Variants in SOS2 observed in about 807,000 individuals in gnomAD.
The protein encoded by SOS2 is SOS Ras/Rho guanine nucleotide exchange factor 2.
In SOS2, 65 loss-of-function variants were observed where a neutral mutation model predicts 148.2. That is an observed-to-expected ratio of 0.44 (90% CI 0.36 to 0.54). The LOEUF (loss-of-function observed/expected upper bound fraction) is 0.54, where lower values mean the gene tolerates loss of function less well. Ranked by LOEUF, SOS2 falls within the 20% of genes least tolerant of loss-of-function variation. SOS2 has a pLI of 0.00. For missense variants in SOS2, 1,341 were observed against 1,590.2 expected (o/e 0.84, Z 2.67); for synonymous variants, 539 against 537.1 (o/e 1.00, Z -0.05).
At chr14:50,138,378 C>A (rs1381053390) in intron 18 of SOS2, among the ~76,000 whole-genome samples, 1 of 151,974 alleles carries the variant, frequency 6.6e-6, no homozygotes, top group Non-Finnish European at 1.5e-5. Flanking sequence ...CCAGGCTGGT[C>A]TCCAACTCCT....
At chr14:50,153,545 T>A (rs1011730264) in intron 12 of SOS2, among the ~76,000 whole-genome samples, 1 of 152,218 alleles carries the variant, frequency 6.6e-6, no homozygotes, top group Non-Finnish European at 1.5e-5. Flanking sequence ...TTTGGTACTT[T>A]TTCACTTAAA....
intron 1 of SOS2, among the ~76,000 whole-genome samples, chr14:50,212,998 A>C (rs764191911): frequency 1.1e-4 from 16 of 152,260 alleles, no homozygotes; most frequent in Non-Finnish European, 1.8e-4. Flanking sequence ...TCTCTCACGT[A>C]GTCTTTCTCA....
At chr14:50,205,533 T>C (rs1016628860) in intron 1 of SOS2, among the ~76,000 whole-genome samples, 8 of 152,280 alleles carry the variant, frequency 5.3e-5, no homozygotes, top group African/African-American at 1.9e-4. Context: ...CTTCCTAACA[T>C]CACATCACGT....
chr14:50,160,229 C>T lies in SOS2; in HGVS notation c.1197-143G>A, dbSNP rs112263861. ...ACAGCATTTAGTTCTAACTTTGCCACTAAATAATACAGCCCTCAATTTCAT... is the reference window on the plus strand; with the variant it reads ...ACAGCATTTAGTTCTAACTTTGCCATTAAATAATACAGCCCTCAATTTCAT... On this transcript the variant is annotated intron_variant, in intron 9 of 22. Coordinates refer to ENST00000216373, the MANE Select transcript of SOS2 (RefSeq NM_006939.4). The T allele has an allele frequency of 3.8e-4, 241 of 626,352 alleles. 1 individual carries two copies. In the Middle Eastern group the frequency reaches 3.9e-3, roughly 10 times the overall value. The allele number at this position is 626,352 out of a possible 1,614,324, so 38.8% of individuals were successfully genotyped here. A position where few individuals can be genotyped will look rare whatever the true frequency, so the allele number is the denominator to read the frequency against.
rs202063664 is a variant in SOS2, at chr14:50,165,819, TTTAA to T, written c.1069-4214_1069-4211del. Reference sequence around the variant, plus strand: ...GCACGCTCTTTTATGCATTAGCTTATTTAATTTTTATTACAACTCTGTAACACGA... The same window carrying T: ...GCACGCTCTTTTATGCATTAGCTTATTTTTTATTACAACTCTGTAACACGA... On this transcript the variant is annotated intron_variant, in intron 8 of 22. Coordinates refer to ENST00000216373, the MANE Select transcript of SOS2 (RefSeq NM_006939.4). 1.8e-3 allele frequency among the ~76,000 whole-genome samples: 275 copies of T among 150,658 alleles called. 1 individual carries two copies. Among genetic ancestry groups the T allele is most frequent in the African/African-American group, 6.6e-3 (264 of 39,954 alleles).
chr14:50,130,833 A>G, intron 19 of SOS2, 71 bp from the exon 20 acceptor site: 3 of 1,337,040 alleles, frequency 2.2e-6, no homozygotes, highest in Non-Finnish European at 3.1e-6. Context: ...ACTTAGAGCT[A>G]CCTTATTAGT....
At chr14:50,231,824 T>G (rs1024060314), upstream of SOS2, among the ~76,000 whole-genome samples, 3 of 152,096 alleles carry the variant, frequency 2.0e-5, no homozygotes, top group Non-Finnish European at 2.9e-5. Flanking sequence ...CGAGCGAGCC[T>G]CGCTATGGCG....
rs1389227421 is a variant in SOS2 at position 50,227,824 on chromosome 14, T to C, written c.87+3373A>G. ...CAATGGTGACTTTGTCAAATACATATATATATGGATCTATATATGGGTATA... is the reference window on the plus strand; with the variant it reads ...CAATGGTGACTTTGTCAAATACATACATATATGGATCTATATATGGGTATA... On this transcript the variant is annotated intron_variant, in intron 1 of 22. Transcript: ENST00000216373. 2.6e-5 allele frequency among the ~76,000 whole-genome samples: 4 copies of C among 152,152 alleles called. No homozygotes were observed. The East Asian group carries it at 7.7e-4, about 29-fold the overall frequency.
intron 4 of SOS2, among the ~76,000 whole-genome samples, chr14:50,190,757 C>G (rs913543078): frequency 5.9e-5 from 9 of 152,270 alleles, no homozygotes; most frequent in Admixed American, 5.9e-4. Context: ...TTCTGTGACA[C>G]TCTCAAATCC....
intron 14 of SOS2, among the ~76,000 whole-genome samples, chr14:50,146,569 C>T (rs577437505): frequency 1.3e-5 from 2 of 152,206 alleles, no homozygotes; most frequent in South Asian, 4.1e-4. Flanking sequence ...TCGCTTGAAC[C>T]CAGGAAGCAG....
rs750929787 is a variant in SOS2, at chr14:50,231,235, G to A, written c.49C>T (p.Pro17Ser). ...GAGACCAACAGTCCCCGCCATTTCG[G>A]ACTGTTCTCCTCGCTGAAGAACTCG... ...PYEFFSEENS[P>S]KWRGLLVSAL... is the part of the protein sequence containing the mutation. The change falls in exon 1 of 23, where the codon CCG becomes TCG. Residue 17 changes from proline (P) to serine (S), a missense_variant. By Grantham distance (74) the Pro-to-Ser change is moderately conservative. Around this residue, in one of 4 missense-constraint regions of SOS2, gnomAD observed 574 missense variants for 711.1 expected, o/e 0.81. Coordinates refer to ENST00000216373, the MANE Select transcript of SOS2 (RefSeq NM_006939.4). The A allele has an allele frequency of 2.5e-5, 38 of 1,515,830 alleles. No homozygotes were observed. Among genetic ancestry groups the A allele is most frequent in the Non-Finnish European group, 3.3e-5 (37 of 1,121,132 alleles). The allele number at this position is 1,515,830 out of a possible 1,614,324, so 93.9% of individuals were successfully genotyped here. A position where few individuals can be genotyped will look rare whatever the true frequency, so the allele number is the denominator to read the frequency against.
In SOS2 at chr14:50,223,552, G is replaced by A. The variant is rs143968986; in HGVS notation, c.87+7645C>T. 9.5e-3 allele frequency among the ~76,000 whole-genome samples: 1,451 copies of A among 152,156 alleles called. 29 individuals carry two copies. The highest frequency in any genetic ancestry group is 0.033 in the African/African-American group (1,371 of 41,484). Reference sequence around the variant, plus strand: ...TACCTGGGCGTGGTGGCACACGCCTGTAGTCCCAGCTACTCGGGAGGCTGA... The same window carrying A: ...TACCTGGGCGTGGTGGCACACGCCTATAGTCCCAGCTACTCGGGAGGCTGA... On this transcript the variant is annotated intron_variant, in intron 1 of 22. Coordinates refer to ENST00000216373, the MANE Select transcript of SOS2 (RefSeq NM_006939.4).
chr14:50,159,522 T>C lies in SOS2; in HGVS notation c.1761A>G (p.Glu587=), dbSNP rs1459357873. ...TGCCACTTCTACTTTGCAAGTTGTC[T>C]TCAAAAACAATGTTTTCCTCAGAGT... ...VKDSEENIVF[E]DNLQSRSGIP... is the part of the protein sequence containing the mutation. Residue 587 remains glutamate, a synonymous_variant, in exon 10 of 23, where the codon GAA becomes GAG. Coordinates refer to ENST00000216373, the MANE Select transcript of SOS2 (RefSeq NM_006939.4). 1 of 1,613,690 alleles carries C rather than the reference T, an allele frequency of 6.2e-7. No homozygotes were observed. Among genetic ancestry groups the C allele is most frequent in the South Asian group, 1.1e-5 (1 of 91,070 alleles).
In SOS2 at chr14:50,150,242, A is replaced by G. The variant is rs775739745; in HGVS notation, c.2162-12T>C. The stretch of plus-strand genomic sequence containing the variant: ...TTTCATAGCTTTCCCTGGAAAAAGA[A>G]CACATAAAGAAAAATGTCTTTTACT... On this transcript the variant is annotated splice_polypyrimidine_tract_variant and intron_variant, in intron 13 of 22. Transcript: ENST00000216373. 3.3e-6 allele frequency: 5 copies of G among 1,514,816 alleles called. No individual in the cohort carries two copies. The highest frequency in any genetic ancestry group is 4.6e-6 in the Non-Finnish European group (5 of 1,090,556). The allele number at this position is 1,514,816 out of a possible 1,614,324, so 93.8% of individuals were successfully genotyped here. A position where few individuals can be genotyped will look rare whatever the true frequency, so the allele number is the denominator to read the frequency against.
At chr14:50,216,422 T>A (rs1033500192) in intron 1 of SOS2, among the ~76,000 whole-genome samples, 1 of 151,976 alleles carries the variant, frequency 6.6e-6, no homozygotes, top group Non-Finnish European at 1.5e-5. Flanking sequence ...AAATTCAATT[T>A]AAAAAGAAAA....
intron 21 of SOS2, among the ~76,000 whole-genome samples, chr14:50,121,807 G>C (rs1017532696): frequency 1.3e-5 from 2 of 152,238 alleles, no homozygotes; most frequent in Non-Finnish European, 2.9e-5. Context: ...GTTGGCAGAT[G>C]GTGTGGGGAG....
At chr14:50,147,940 G>A (rs1884542244) in intron 14 of SOS2, among the ~76,000 whole-genome samples, 1 of 152,198 alleles carries the variant, frequency 6.6e-6, no homozygotes, top group Non-Finnish European at 1.5e-5. Context: ...GGGCAACACA[G>A]TGAGACCCTA....
intron 4 of SOS2, among the ~76,000 whole-genome samples, chr14:50,193,599 AC>A (rs1051513139): frequency 2.6e-5 from 4 of 152,234 alleles, no homozygotes; most frequent in African/African-American, 9.6e-5. Context: ...ATCCCTAGAA[AC>A]CATATATTCA....
intron 19 of SOS2, among the ~76,000 whole-genome samples, chr14:50,133,242 CTTTTTTCTTTTT>C (rs1883955932): frequency 3.8e-5 from 3 of 78,816 alleles, no homozygotes; most frequent in South Asian, 3.8e-4. Context: ...TTTCTTTTTT[CTTTTTTCTTTTT>C]TTTTTTTTTT....
Sources: gnomAD v4.1 joint callset for allele counts (sites outside exome capture counted in the v4.1 genomes callset) on GRCh38, gnomAD v4.1.1 for gene constraint, gnomAD v4.1.1 regional missense constraint, MANE v1.5 for transcripts, NCBI Gene and HGNC (gene_info 2026-07-23, HGNC 2026-07-21) for gene names.